Variants in XRCC6 observed in about 807,000 individuals in gnomAD.
The protein encoded by XRCC6 is DNA repair protein Ku70.
In XRCC6, 5 loss-of-function variants were observed where a neutral mutation model predicts 65.7. That is an observed-to-expected ratio of 0.08 (90% CI 0.04 to 0.16). XRCC6 has a LOEUF of 0.16. Among genes scored for constraint, XRCC6 ranks in the 10% least tolerant of loss-of-function variants. The pLI is 1.00. For synonymous variants in XRCC6, 270 were observed against 270.6 expected, an observed-to-expected ratio of 1.00 and a Z score of 0.02; for missense variants, 447 against 738.1, an observed-to-expected ratio of 0.61 and a Z score of 4.57.
At chr22:41,656,449 G>A (rs867893146) in intron 9 of XRCC6, among the ~76,000 whole-genome samples, 6 of 151,842 alleles carry the variant, frequency 4.0e-5, no homozygotes, top group African/African-American at 1.4e-4. Flanking sequence ...CCTGGGAGGC[G>A]GAGGTTGCAG....
chr22:41,626,639 T>TG (rs1188888092), intron 2 of XRCC6, among the ~76,000 whole-genome samples: 2 of 147,610 alleles, frequency 1.4e-5, no homozygotes, highest in African/African-American at 2.5e-5. Context: ...TTGTTTTTTT[T>TG]TTTGTTTTTT....
chr22:41,628,898 G>C (rs1415282359), intron 3 of XRCC6, among the ~76,000 whole-genome samples: 1 of 148,890 alleles, frequency 6.7e-6, no homozygotes, highest in African/African-American at 2.5e-5. Context: ...CCCAGGAGGC[G>C]GAGGTTACAG....
chr22:41,650,942 C>A, intron 8 of XRCC6, 51 bp downstream of exon 8: 1 of 1,599,518 alleles, frequency 6.3e-7, no homozygotes, highest in South Asian at 1.1e-5. Context: ...GTGCAGTTTA[C>A]GGAGCAGCGC....
At chr22:41,653,805 T>TA in intron 9 of XRCC6, 115 bp downstream of exon 9, 3 of 1,326,592 alleles carry the variant, frequency 2.3e-6, no homozygotes, top group Non-Finnish European at 3.0e-6. Context: ...GGCTTAAAAA[T>TA]GTCTATTTTT....
chr22:41,649,139 A>AAATATATATATAT, intron 7 of XRCC6, among the ~76,000 whole-genome samples: 3 of 88,736 alleles, frequency 3.4e-5, no homozygotes, highest in African/African-American at 4.6e-5. Flanking sequence ...AAAAAAAAAA[A>AAATATATATATAT]ATATATATAT....
chr22:41,659,499 C>T (rs1041814121), intron 11 of XRCC6, among the ~76,000 whole-genome samples: 2 of 151,914 alleles, frequency 1.3e-5, no homozygotes, highest in African/African-American at 4.8e-5. Context: ...AGGCGCTGCG[C>T]ACGGCCTATT....
At chr22:41,622,385 A>T (rs1468950544) in intron 2 of XRCC6, among the ~76,000 whole-genome samples, 1 of 152,134 alleles carries the variant, frequency 6.6e-6, no homozygotes, top group Non-Finnish European at 1.5e-5. Context: ...GACCCTTCTC[A>T]TCCAGGAAAG....
intron 10 of XRCC6, among the ~76,000 whole-genome samples, chr22:41,657,650 G>A (rs1230335283): frequency 6.6e-6 from 1 of 151,698 alleles, no homozygotes; most frequent in African/African-American, 2.4e-5. Flanking sequence ...CTCCTGAGTA[G>A]CTGGGACCAT....
intron 6 of XRCC6, among the ~76,000 whole-genome samples, chr22:41,638,523 G>A (rs895481930): frequency 6.6e-6 from 1 of 152,076 alleles, no homozygotes; most frequent in Non-Finnish European, 1.5e-5. Context: ...GGTGGCTCAC[G>A]CCTTGTAATC....
intron 11 of XRCC6, among the ~76,000 whole-genome samples, chr22:41,660,089 C>T (rs938768363): frequency 6.6e-6 from 1 of 152,218 alleles, no homozygotes; most frequent in Non-Finnish European, 1.5e-5. Flanking sequence ...GCAGCAGGAG[C>T]ACAGTTTGGC....
chr22:41,662,416 C>T (rs2068108064), intron 12 of XRCC6, among the ~76,000 whole-genome samples: 1 of 152,178 alleles, frequency 6.6e-6, no homozygotes, highest in Admixed American at 6.5e-5. Context: ...CATATTTACA[C>T]ATACCAACAT....
intron 2 of XRCC6, among the ~76,000 whole-genome samples, chr22:41,627,140 C>T (rs2067686011): frequency 6.6e-6 from 1 of 152,124 alleles, no homozygotes; most frequent in African/African-American, 2.4e-5. Context: ...TAACACAAAG[C>T]ATCTTGGCTC....
chr22:41,633,872 A>G (rs752031365), intron 3 of XRCC6, among the ~76,000 whole-genome samples: 1 of 152,214 alleles, frequency 6.6e-6, no homozygotes, highest in African/African-American at 2.4e-5. Context: ...ATAACCGATA[A>G]TAAGTATTCA....
In XRCC6 at chr22:41,636,677, A is replaced by G. The variant is rs755798578; in HGVS notation, c.496A>G (p.Ile166Val). The G allele has an allele frequency of 6.2e-7, 1 of 1,614,126 alleles. No homozygotes were observed. Among genetic ancestry groups the G allele is most frequent in the Non-Finnish European group, 8.5e-7 (1 of 1,180,030 alleles). The change falls in exon 5 of 13, where the codon ATC becomes GTC. Residue 166 changes from isoleucine (I) to valine (V), a missense_variant. Transcript: ENST00000360079. Reference sequence around the variant, plus strand: ...CCAATTCAAGATGAGTCATAAGAGGATCATGCTGTTCACCAATGAAGACAA... The same window carrying G: ...CCAATTCAAGATGAGTCATAAGAGGGTCATGCTGTTCACCAATGAAGACAA... ...DVQFKMSHKRIMLFTNEDNPH... is the reference protein window; with the variant it reads ...DVQFKMSHKRVMLFTNEDNPH...
At chr22:41,655,726 C>G (rs968085282) in intron 9 of XRCC6, among the ~76,000 whole-genome samples, 1 of 151,382 alleles carries the variant, frequency 6.6e-6, no homozygotes, top group South Asian at 2.1e-4. Context: ...TTTTTTCCCC[C>G]CCTTCTTTTT....
In XRCC6 at chr22:41,636,216, A is replaced by G; in HGVS notation, c.299A>G (p.Lys100Arg). 6.2e-7 allele frequency: 1 copy of G among 1,604,728 alleles called. No individual in the cohort carries two copies. The highest frequency in any genetic ancestry group is 8.5e-7 in the Non-Finnish European group (1 of 1,177,800). Residue 100 changes from lysine to arginine, a missense_variant, in exon 4 of 13, where the codon AAA becomes AGA. Coordinates refer to ENST00000360079, the MANE Select transcript of XRCC6 (RefSeq NM_001469.5). ...TEKDKNSVNFKNIYVLQELDN... is the reference protein window; with the variant it reads ...TEKDKNSVNFRNIYVLQELDN... ...AAAGACAAAAATTCAGTGAATTTTA[A>G]AAATATTTACGTCTTACAGGAGCTG...
chr22:41,629,750 A>G (rs1176841630), intron 3 of XRCC6, among the ~76,000 whole-genome samples: 1 of 151,938 alleles, frequency 6.6e-6, no homozygotes, highest in African/African-American at 2.4e-5. Context: ...GCTCACTGCA[A>G]GCTCCGCCTC....
intron 8 of XRCC6, among the ~76,000 whole-genome samples, chr22:41,651,127 G>A (rs2067990426): frequency 6.6e-6 from 1 of 152,052 alleles, no homozygotes; most frequent in East Asian, 1.9e-4. Flanking sequence ...GTGAAACCTC[G>A]TCTCTACTAA....
At chr22:41,657,430 T>C (rs1438046095) in intron 10 of XRCC6, among the ~76,000 whole-genome samples, 1 of 151,602 alleles carries the variant, frequency 6.6e-6, no homozygotes, top group East Asian at 1.9e-4. Flanking sequence ...ATAGACCAAC[T>C]CTCAGAGCCT....
Sources: allele counts gnomAD v4.1 joint callset (sites outside exome capture counted in the v4.1 genomes callset), GRCh38; gene constraint gnomAD v4.1.1; transcripts MANE v1.5; gene names NCBI Gene and HGNC (gene_info 2026-07-23, HGNC 2026-07-21).